CATSPERB: variants seen among roughly 807,000 people sequenced by gnomAD.
CATSPERB encodes the protein cation channel sperm-associated auxiliary subunit beta.
Under a neutral mutation model 128.3 loss-of-function variants are expected in CATSPERB, and 93 were observed. That is an observed-to-expected ratio of 0.72 (90% CI 0.61 to 0.86). The LOEUF (loss-of-function observed/expected upper bound fraction) is 0.86. CATSPERB is among the 40% of genes least tolerant of loss of function. CATSPERB has a pLI of 0.00. For missense variants in CATSPERB, 1,153 were observed against 1,329.5 expected (o/e 0.87, Z 2.06); for synonymous variants, 381 against 448.8 (o/e 0.85, Z 1.91).
At chr14:91,586,857 T>G (rs368141084) in intron 26 of CATSPERB, among the ~76,000 whole-genome samples, 70 of 152,158 alleles carry the variant, frequency 4.6e-4, no homozygotes, top group African/African-American at 1.6e-3. Flanking sequence ...ACTAAAAAGT[T>G]ACAGAAATAT....
At chr14:91,701,616 G>C (rs192284354) in intron 7 of CATSPERB, among the ~76,000 whole-genome samples, 377 of 152,184 alleles carry the variant, frequency 2.5e-3, no homozygotes, top group Non-Finnish European at 3.9e-3. Flanking sequence ...GAGGCCTGAT[G>C]GTTTATGTCT....
chr14:91,587,051 G>T (rs2295789), intron 26 of CATSPERB, 151 bp downstream of exon 26: 2 of 581,072 alleles, frequency 3.4e-6, no homozygotes, highest in African/African-American at 1.9e-5. Context: ...ACTACTGACA[G>T]GGTCAATGCT....
chr14:91,671,289 C>T (rs549110915), intron 13 of CATSPERB, among the ~76,000 whole-genome samples: 1 of 151,922 alleles, frequency 6.6e-6, no homozygotes, highest in East Asian at 2.0e-4. Flanking sequence ...TTTCATATCT[C>T]CTGGCCAGGC....
chr14:91,671,108 A>G (rs1454925185), intron 13 of CATSPERB, among the ~76,000 whole-genome samples: 1 of 152,224 alleles, frequency 6.6e-6, no homozygotes, highest in East Asian at 1.9e-4. Context: ...GACTAAAAGC[A>G]GGAACTGCTG....
intron 22 of CATSPERB, among the ~76,000 whole-genome samples, chr14:91,592,903 T>C (rs1480122537): frequency 1.3e-5 from 2 of 152,192 alleles, no homozygotes; most frequent in Non-Finnish European, 2.9e-5. Flanking sequence ...AAAAGTGGTT[T>C]TGTTGGCCGG....
At chr14:91,587,849 G>A (rs778324404) in intron 25 of CATSPERB, 129 bp downstream of exon 25, 1 of 673,594 alleles carries the variant, frequency 1.5e-6, no homozygotes. Context: ...TACTTTAAAG[G>A]TATATACTTT....
chr14:91,702,693 C>CACAT (rs973018658), intron 7 of CATSPERB, among the ~76,000 whole-genome samples: 3 of 151,402 alleles, frequency 2.0e-5, no homozygotes, highest in Non-Finnish European at 4.4e-5. Flanking sequence ...CACACACACA[C>CACAT]ACACACACAC....
intron 26 of CATSPERB, among the ~76,000 whole-genome samples, chr14:91,586,485 A>G (rs542657066): frequency 6.7e-6 from 1 of 150,322 alleles, no homozygotes; most frequent in South Asian, 2.1e-4. Context: ...TGCAATGGCC[A>G]CCCACCACTG....
chr14:91,612,246 T>G (rs1893848570), intron 20 of CATSPERB, among the ~76,000 whole-genome samples: 2 of 152,084 alleles, frequency 1.3e-5, no homozygotes, highest in African/African-American at 4.8e-5. Context: ...AAATTTACTC[T>G]TAGCAATTTT....
chr14:91,649,331 ATGTGTGTGTGTG>A (rs55880138), intron 15 of CATSPERB, among the ~76,000 whole-genome samples: 6 of 147,390 alleles, frequency 4.1e-5, no homozygotes, highest in East Asian at 4.0e-4. Flanking sequence ...GTATACATAT[ATGTGTGTGTGTG>A]TGTGTGTGTG....
At chr14:91,581,690 C>G (rs1023668834) in intron 26 of CATSPERB, among the ~76,000 whole-genome samples, 2 of 152,152 alleles carry the variant, frequency 1.3e-5, no homozygotes. Flanking sequence ...TTCTGGAGGA[C>G]AGATAGGATT....
intron 17 of CATSPERB, among the ~76,000 whole-genome samples, chr14:91,631,519 G>T (rs1037628767): frequency 7.2e-5 from 11 of 152,090 alleles, no homozygotes; most frequent in Admixed American, 2.6e-4. Flanking sequence ...CAAAAAATTA[G>T]TCAGGCGTGG....
intron 7 of CATSPERB, among the ~76,000 whole-genome samples, chr14:91,702,675 A>AACACACAC (rs71461951): frequency 0.11 from 16,660 of 145,416 alleles, 1,015 homozygotes; most frequent in Admixed American, 0.15. Context: ...CAAAAAAGAA[A>AACACACAC]ACACACACAC....
chr14:91,604,382 A>T, intron 22 of CATSPERB: 1 of 928,856 alleles, frequency 1.1e-6, no homozygotes, highest in Non-Finnish European at 1.8e-6. Flanking sequence ...GAAATTGATT[A>T]ATGTCAATTG....
At chr14:91,691,455 A>T in intron 10 of CATSPERB, 68 bp downstream of exon 10, 44 of 938,104 alleles carry the variant, frequency 4.7e-5, no homozygotes, top group Non-Finnish European at 6.8e-5. Flanking sequence ...ATTGTCTTGC[A>T]TCTCATCTCA....
chr14:91,633,285 C>T (rs963867943), intron 17 of CATSPERB, among the ~76,000 whole-genome samples: 1 of 152,098 alleles, frequency 6.6e-6, no homozygotes. Flanking sequence ...AAAATTTTGC[C>T]TCCCATACAA....
chr14:91,714,277 C>CAAAAAAAAAAAAAAAAAAAAAAA (rs35951126), intron 5 of CATSPERB, among the ~76,000 whole-genome samples: 12 of 111,278 alleles, frequency 1.1e-4, no homozygotes, highest in East Asian at 2.7e-4. Context: ...TACAATAAGG[C>CAAAAAAAAAAAAAAAAAAAAAAA]AAAAAAAAAA....
chr14:91,664,226 C>G (rs1894937773), intron 14 of CATSPERB, among the ~76,000 whole-genome samples: 1 of 149,568 alleles, frequency 6.7e-6, no homozygotes, highest in Admixed American at 6.6e-5. Context: ...AGTTTCTTTC[C>G]CTTAGTAATA....
Position 91,731,988 on chromosome 14 carries a change from C to T in CATSPERB, c.-59G>A, listed in dbSNP as rs1225862871. The T allele has an allele frequency of 1.3e-5, 2 of 152,484 alleles. No individual in the cohort carries two copies. The highest frequency in any genetic ancestry group is 2.4e-5 in the African/African-American group (1 of 41,402). The allele number at this position is 152,484 out of a possible 1,614,324, so 9.4% of individuals were successfully genotyped here. On this transcript the variant is annotated 5_prime_UTR_variant, in exon 1 of 27. Transcript: ENST00000256343. Reference sequence around the variant, plus strand: ...CTTTTTTATATTTTTTCTCAGTTTTCTTCCATATAGACTGAGAAGAAAGAC... The same window carrying T: ...CTTTTTTATATTTTTTCTCAGTTTTTTTCCATATAGACTGAGAAGAAAGAC...
Sources: gnomAD v4.1 joint callset for allele counts (sites outside exome capture counted in the v4.1 genomes callset) on GRCh38, gnomAD v4.1.1 for gene constraint, MANE v1.5 for transcripts, NCBI Gene and HGNC (gene_info 2026-07-23, HGNC 2026-07-21) for gene names.